Variants in PIGK observed in about 807,000 individuals in gnomAD.
The protein encoded by PIGK is phosphatidylinositol glycan anchor biosynthesis class K, also known as GPI-anchor transamidase.
A neutral mutation model predicts 50.6 loss-of-function variants in PIGK; 42 were observed. The observed-to-expected ratio is 0.83, with a 90% confidence interval of 0.65 to 1.07. The LOEUF (loss-of-function observed/expected upper bound fraction) is 1.07. PIGK is among the 50% of genes least tolerant of loss of function. The probability of loss-of-function intolerance (pLI) is 0.00; values close to 1 mark genes in which losing one functional copy is unlikely to be tolerated. For synonymous variants in PIGK, 151 were observed against 156.0 expected (o/e 0.97, Z 0.24); for missense variants, 448 against 488.7 (o/e 0.92, Z 0.78).
In PIGK at chr1:77,089,131, A is replaced by G. The variant is rs1380411055; in HGVS notation, c.*3243T>C. 6.6e-6 allele frequency: 1 copy of G among 152,242 alleles called. No individual in the cohort carries two copies. Among genetic ancestry groups the G allele is most frequent in the Non-Finnish European group, 1.5e-5 (1 of 68,044 alleles). 9.4% of individuals were successfully genotyped at this position (152,242 alleles called of 1,614,324 possible). A position where few individuals can be genotyped will look rare whatever the true frequency, so the allele number is the denominator to read the frequency against. ...AGTACAGTTTTTACACTAAGAAAAAAAAATAAAAATAAAAGCCTGGTTACC... is the reference window on the plus strand; with the variant it reads ...AGTACAGTTTTTACACTAAGAAAAAGAAATAAAAATAAAAGCCTGGTTACC... On this transcript the variant is annotated 3_prime_UTR_variant, in exon 11 of 11. Coordinates refer to ENST00000370812, the MANE Select transcript of PIGK (RefSeq NM_005482.3).
intron 10 of PIGK, among the ~76,000 whole-genome samples, chr1:77,121,823 A>G (rs544847597): frequency 1.3e-5 from 2 of 152,350 alleles, no homozygotes; most frequent in Non-Finnish European, 2.9e-5. Context: ...AATTGCCCAC[A>G]TGACATGCAG....
intron 5 of PIGK, among the ~76,000 whole-genome samples, chr1:77,165,769 A>G (rs936845672): frequency 6.6e-6 from 1 of 152,206 alleles, no homozygotes; most frequent in Admixed American, 6.5e-5. Context: ...CCAGCCAAGG[A>G]GAAGAGAAAT....
At chr1:77,106,914 T>C (rs994376727) in intron 10 of PIGK, among the ~76,000 whole-genome samples, 1 of 152,216 alleles carries the variant, frequency 6.6e-6, no homozygotes, top group African/African-American at 2.4e-5. Context: ...AGTTTGTATT[T>C]CTCTGGGATC....
intron 10 of PIGK, among the ~76,000 whole-genome samples, chr1:77,106,541 T>C (rs1404991007): frequency 6.6e-6 from 1 of 152,174 alleles, no homozygotes; most frequent in East Asian, 1.9e-4. Context: ...ATGTTTAACA[T>C]ATTTGTACAA....
At chr1:77,204,355 C>T (rs572937452) in intron 3 of PIGK, among the ~76,000 whole-genome samples, 20 of 152,230 alleles carry the variant, frequency 1.3e-4, no homozygotes, top group Admixed American at 1.3e-3. Context: ...TGCTCTCAAA[C>T]CCTGCCTCCT....
chr1:77,142,531 T>C (rs1445062162), intron 9 of PIGK, among the ~76,000 whole-genome samples: 1 of 152,110 alleles, frequency 6.6e-6, no homozygotes, highest in Non-Finnish European at 1.5e-5. Context: ...TAAAGAAATA[T>C]CCAAGCTGGG....
In PIGK at chr1:77,089,326, C is replaced by A. The variant is rs1157539137; in HGVS notation, c.*3048G>T. ...AAGCAATAAGGCCAATTCTTTAAAG[C>A]AAAAATGGATACTGATCTCATTGTT... is the stretch of plus-strand genomic sequence containing the variant. On this transcript the variant is annotated 3_prime_UTR_variant, in exon 11 of 11. Transcript: ENST00000370812. 6.6e-6 allele frequency: 1 copy of A among 152,080 alleles called. No individual in the cohort carries two copies. The highest frequency in any genetic ancestry group is 2.4e-5 in the African/African-American group (1 of 41,418). 9.4% of individuals were successfully genotyped at this position (152,080 alleles called of 1,614,324 possible).
chr1:77,212,097 T>G (rs1325945337), intron 1 of PIGK, among the ~76,000 whole-genome samples: 1 of 152,098 alleles, frequency 6.6e-6, no homozygotes, highest in African/African-American at 2.4e-5. Context: ...ACCAATCTAT[T>G]AAAGTAAGTC....
Position 77,219,386 on chromosome 1 carries a change from C to A in PIGK, c.17G>T (p.Ser6Ile). MAVTD[S>I]LSRAATVLAT... ...CAAGACAGTCGCAGCCCGGCTGAGG[C>A]TGTCGGTGACGGCCATGTTTACCGG... is the stretch of plus-strand genomic sequence containing the variant. Residue 6 changes from serine to isoleucine, a missense_variant, in exon 1 of 11, where the codon AGC becomes ATC. Transcript: ENST00000370812. 3 of 1,613,614 alleles carry A rather than the reference C, an allele frequency of 1.9e-6. No homozygotes were observed. The highest frequency in any genetic ancestry group is 1.1e-5 in the South Asian group (1 of 90,998).
chr1:77,217,563 G>A (rs1656597229), intron 1 of PIGK, among the ~76,000 whole-genome samples: 1 of 152,138 alleles, frequency 6.6e-6, no homozygotes, highest in South Asian at 2.1e-4. Flanking sequence ...CAACATCAAG[G>A]TCCCTGGGTG....
intron 9 of PIGK, among the ~76,000 whole-genome samples, chr1:77,142,584 A>G (rs1320251451): frequency 1.3e-5 from 2 of 152,160 alleles, no homozygotes; most frequent in African/African-American, 4.8e-5. Flanking sequence ...ACACTTCCAC[A>G]TGGCTGGGGA....
chr1:77,214,788 A>G (rs930078695), intron 1 of PIGK, among the ~76,000 whole-genome samples: 4 of 152,208 alleles, frequency 2.6e-5, no homozygotes, highest in African/African-American at 9.6e-5. Context: ...AACTGATAAG[A>G]CTAATTCAGT....
intron 9 of PIGK, among the ~76,000 whole-genome samples, chr1:77,145,037 T>G (rs1277045213): frequency 6.6e-6 from 1 of 151,958 alleles, no homozygotes. Flanking sequence ...ACTTGAATCA[T>G]TTTGGTGAAT....
chr1:77,185,109 C>A (rs187973380), intron 3 of PIGK, among the ~76,000 whole-genome samples: 33 of 152,326 alleles, frequency 2.2e-4, no homozygotes, highest in Admixed American at 1.6e-3. Flanking sequence ...TCTCCTGGTA[C>A]CTGGTATGTA....
At chr1:77,117,305 C>A (rs919156931) in intron 10 of PIGK, among the ~76,000 whole-genome samples, 1 of 152,170 alleles carries the variant, frequency 6.6e-6, no homozygotes, top group Non-Finnish European at 1.5e-5. Context: ...GAAAAATTAT[C>A]TATTGAGACT....
chr1:77,195,385 C>A, intron 3 of PIGK: 1 of 1,197,422 alleles, frequency 8.4e-7, no homozygotes, highest in Non-Finnish European at 1.2e-6. Flanking sequence ...CATCAGCACG[C>A]AGAGTGCTAA....
intron 10 of PIGK, among the ~76,000 whole-genome samples, chr1:77,103,018 G>A (rs1425863938): frequency 6.6e-6 from 1 of 152,170 alleles, no homozygotes; most frequent in African/African-American, 2.4e-5. Flanking sequence ...CCAGTTGTTT[G>A]TGTAAATGCC....
Position 77,176,498 on chromosome 1 carries a change from C to T in PIGK, c.240-7103G>A, listed in dbSNP as rs184762004. Reference sequence around the variant, plus strand: ...ATTATGGTTATTATGTTATTATAGACCACAGAAATTGTCCTTGTCAGCTGT... The same window carrying T: ...ATTATGGTTATTATGTTATTATAGATCACAGAAATTGTCCTTGTCAGCTGT... On this transcript the variant is annotated intron_variant, in intron 3 of 10. Transcript: ENST00000370812. Among the ~76,000 whole-genome samples, 8 of 152,142 alleles carry T rather than the reference C, an allele frequency of 5.3e-5. 1 individual carries two copies. In the East Asian group the frequency reaches 1.5e-3, roughly 29 times the overall value.
In PIGK at chr1:77,123,573, C is replaced by G. The variant is rs375224334; in HGVS notation, c.987-1214G>C. Among the ~76,000 whole-genome samples the G allele has an allele frequency of 1.6e-4, 25 of 151,554 alleles. No individual in the cohort carries two copies. The East Asian group carries it at 4.1e-3, about 25-fold the overall frequency. ...TCTCACTAATGATGGAAAAAAAAAA[C>G]TGCCTCAAAACATGTTTCACAGAGA... On this transcript the variant is annotated intron_variant, in intron 9 of 10. Coordinates refer to ENST00000370812, the MANE Select transcript of PIGK (RefSeq NM_005482.3).
Sources: gnomAD v4.1 joint callset for allele counts (sites outside exome capture counted in the v4.1 genomes callset) on GRCh38, gnomAD v4.1.1 for gene constraint, MANE v1.5 for transcripts, NCBI Gene and HGNC (gene_info 2026-07-23, HGNC 2026-07-21) for gene names.